The following NRG2 variants were observed in gnomAD, a reference collection of about 807,000 sequenced individuals.
The protein encoded by NRG2 is neuregulin 2.
Under a neutral mutation model 73.9 loss-of-function variants are expected in NRG2, and 27 were observed. The ratio of observed to expected loss-of-function variants is 0.37; its 90% CI spans 0.27 to 0.50. The LOEUF is 0.50. NRG2 is among the 20% of genes least tolerant of loss of function. The probability of loss-of-function intolerance (pLI) is 0.96; values close to 1 mark genes in which losing one functional copy is unlikely to be tolerated. For synonymous variants in NRG2, 532 were observed against 541.0 expected, an observed-to-expected ratio of 0.98 and a Z score of 0.23; for missense variants, 1,126 against 1,210.1, an observed-to-expected ratio of 0.93 and a Z score of 1.03.
At chr5:140,039,652 A>T (rs1384612415) in intron 1 of NRG2, among the ~76,000 whole-genome samples, 2 of 152,100 alleles carry the variant, frequency 1.3e-5, no homozygotes, top group Non-Finnish European at 2.9e-5. Context: ...TCCTGAGGCC[A>T]ATTTTTAAAC....
intron 1 of NRG2, among the ~76,000 whole-genome samples, chr5:139,947,164 G>C (rs1319349751): frequency 3.9e-5 from 6 of 152,102 alleles, no homozygotes; most frequent in Admixed American, 3.9e-4. Flanking sequence ...TATTCAAAGA[G>C]TGGTACAACC....
Position 139,981,294 on chromosome 5 carries a change from G to A in NRG2, c.700+61076C>T, listed in dbSNP as rs142122804. ...CATCCCCTTCCTCCAGAGGTGGCTT[G>A]GAGCACTGTTCCCACTCCTAGGGTT... On this transcript the variant is annotated intron_variant, in intron 1 of 9. Coordinates refer to ENST00000361474, the MANE Select transcript of NRG2 (RefSeq NM_004883.3). Among the ~76,000 whole-genome samples the A allele has an allele frequency of 8.0e-3, 1,222 of 152,296 alleles. 8 individuals carry two copies. The highest frequency in any genetic ancestry group is 0.024 in the Middle Eastern group (7 of 294).
intron 5 of NRG2, among the ~76,000 whole-genome samples, chr5:139,857,175 G>C (rs1054589357): frequency 1.3e-5 from 2 of 152,188 alleles, no homozygotes; most frequent in Non-Finnish European, 2.9e-5. Flanking sequence ...TTCATTGGCT[G>C]ACCTGTCTCT....
rs539747078 is a variant in NRG2, at chr5:139,954,671, G to A, written c.701-67160C>T. 7.2e-5 allele frequency among the ~76,000 whole-genome samples: 11 copies of A among 152,200 alleles called. No homozygotes were observed. Among genetic ancestry groups the A allele is most frequent in the South Asian group, 6.2e-4 (3 of 4,830 alleles). On this transcript the variant is annotated intron_variant, in intron 1 of 9. Transcript: ENST00000361474. The surrounding 1 kb of genome is among the most constrained non-coding windows in gnomAD (Gnocchi z 5.0). ...AGCGACTCTCCGCAGAGGCCCCTGC[G>A]CGTATCCCGCCAAGTTCCTCTCTCT...
intron 1 of NRG2, among the ~76,000 whole-genome samples, chr5:139,919,481 A>G (rs1751504102): frequency 6.6e-6 from 1 of 152,066 alleles, no homozygotes; most frequent in South Asian, 2.1e-4. Flanking sequence ...ATTCGTTTTT[A>G]TCAGGGTAGA....
chr5:140,016,877 G>A (rs35540219), intron 1 of NRG2, among the ~76,000 whole-genome samples: 1,937 of 152,312 alleles, frequency 0.013, 33 homozygotes, highest in African/African-American at 0.044. Context: ...TGTGGAGCAG[G>A]GGGCAGAGAT....
At chr5:139,916,510 C>T (rs1430438228) in intron 1 of NRG2, among the ~76,000 whole-genome samples, 1 of 152,160 alleles carries the variant, frequency 6.6e-6, no homozygotes, top group Non-Finnish European at 1.5e-5. Flanking sequence ...ACATTTTCAT[C>T]ATCCCCAAAA....
intron 1 of NRG2, among the ~76,000 whole-genome samples, chr5:140,026,926 T>G (rs1760737066): frequency 6.6e-6 from 1 of 152,186 alleles, no homozygotes; most frequent in South Asian, 2.1e-4. Flanking sequence ...CCCGGAAAGA[T>G]CAAAGGCAAT....
Position 139,848,481 on chromosome 5 carries a change from C to T in NRG2, c.1989G>A (p.Gly663=), listed in dbSNP as rs1471815746. The T allele has an allele frequency of 1.8e-4, 241 of 1,340,216 alleles. No individual in the cohort carries two copies. The highest frequency in any genetic ancestry group is 2.2e-4 in the Non-Finnish European group (230 of 1,060,634). 83.0% of individuals were successfully genotyped at this position (1,340,216 alleles called of 1,614,324 possible). Residue 663 remains glycine (G), a synonymous_variant, in exon 10 of 10, where the codon GGG becomes GGA. Coordinates refer to ENST00000361474, the MANE Select transcript of NRG2 (RefSeq NM_004883.3). ...GCTGCATGTCTGCGCCGGGCCCGGG[C>T]CCGGGCCCGGGTCCGGGTCCCGGGC... ...PPGPGPGPGP[G]PGPGADMQRS...
intron 1 of NRG2, among the ~76,000 whole-genome samples, chr5:139,898,032 G>A (rs781372072): frequency 5.9e-5 from 9 of 152,366 alleles, no homozygotes; most frequent in South Asian, 2.1e-4. Context: ...TCATGTGTTC[G>A]TTCAAGAATG....
intron 1 of NRG2, among the ~76,000 whole-genome samples, chr5:139,929,719 C>T (rs575425860): frequency 2.1e-4 from 32 of 152,276 alleles, no homozygotes; most frequent in African/African-American, 7.0e-4. Flanking sequence ...TTGCTTCCCC[C>T]CTTGGTCAAA....
intron 1 of NRG2, among the ~76,000 whole-genome samples, chr5:139,976,997 C>A (rs1468823070): frequency 2.0e-5 from 3 of 152,106 alleles, no homozygotes; most frequent in Non-Finnish European, 4.4e-5. Context: ...AATAATGGTG[C>A]CAACTTGAAG....
chr5:139,889,964 A>G (rs1159460789), intron 1 of NRG2, among the ~76,000 whole-genome samples: 9 of 152,242 alleles, frequency 5.9e-5, no homozygotes. Flanking sequence ...TATTATTATT[A>G]TTATTCACAA....
intron 1 of NRG2, among the ~76,000 whole-genome samples, chr5:139,982,657 G>A (rs969271204): frequency 6.6e-6 from 1 of 152,220 alleles, no homozygotes; most frequent in Non-Finnish European, 1.5e-5. Flanking sequence ...TGTTGGAATT[G>A]TTCTTCTCTC....
At chr5:139,866,676 T>C (rs1762489371) in intron 4 of NRG2, among the ~76,000 whole-genome samples, 1 of 152,216 alleles carries the variant, frequency 6.6e-6, no homozygotes, top group Non-Finnish European at 1.5e-5. Context: ...CATCACTGCC[T>C]GGACCTGCCC....
intron 1 of NRG2, among the ~76,000 whole-genome samples, chr5:139,942,024 T>C (rs1485159761): frequency 2.6e-5 from 4 of 152,218 alleles, no homozygotes; most frequent in Non-Finnish European, 4.4e-5. Context: ...CAAAAGCTAT[T>C]ATCCAAAATC....
At position 140,029,687 on chromosome 5, in the gene NRG2, C is replaced by CAAAAAAAAAAAAAAA. The variant is rs34122778; in HGVS notation, c.700+12668_700+12682dup. 6.9e-4 allele frequency among the ~76,000 whole-genome samples: 42 copies of CAAAAAAAAAAAAAAA among 61,288 alleles called. 1 individual carries two copies. Among genetic ancestry groups the CAAAAAAAAAAAAAAA allele is most frequent in the Admixed American group, 1.2e-3 (6 of 5,196 alleles). The allele number at this position is 61,288 out of a possible 152,430, so 40.2% of individuals were successfully genotyped here. A position where few individuals can be genotyped will look rare whatever the true frequency, so the allele number is the denominator to read the frequency against. ...TGGGTGACAGAGCAAGACTCTGTCT[C>CAAAAAAAAAAAAAAA]AAAAAAAAAAAAAAAAGCTCCAGCG... On this transcript the variant is annotated intron_variant, in intron 1 of 9. Transcript: ENST00000361474.
chr5:139,944,811 T>C (rs1753684026), intron 1 of NRG2, among the ~76,000 whole-genome samples: 3 of 152,300 alleles, frequency 2.0e-5, no homozygotes, highest in Middle Eastern at 6.8e-3. Flanking sequence ...TCTATTTGTA[T>C]TGTTCTGAGA....
chr5:139,938,849 GAA>G (rs1753052033), intron 1 of NRG2, among the ~76,000 whole-genome samples: 1 of 47,394 alleles, frequency 2.1e-5, no homozygotes, highest in Non-Finnish European at 3.6e-5. Context: ...TACAGAAAGG[GAA>G]GAGAGAGAGA....
Sources: allele counts gnomAD v4.1 joint callset (sites outside exome capture counted in the v4.1 genomes callset), GRCh38; gene constraint gnomAD v4.1.1; non-coding constraint Gnocchi (gnomAD v3.1); transcripts MANE v1.5; gene names NCBI Gene and HGNC (gene_info 2026-07-23, HGNC 2026-07-21).